MAP3K4: variants seen among roughly 807,000 people sequenced by gnomAD.
The protein encoded by MAP3K4 is mitogen-activated protein kinase kinase kinase 4.
A neutral mutation model predicts 185.6 loss-of-function variants in MAP3K4; 67 were observed. The ratio of observed to expected loss-of-function variants is 0.36; its 90% CI spans 0.30 to 0.44. MAP3K4 has a LOEUF of 0.44. Ranked by LOEUF, MAP3K4 falls within the 20% of genes least tolerant of loss-of-function variation. MAP3K4 has a pLI of 1.00. For synonymous variants in MAP3K4, 702 were observed against 710.4 expected (o/e 0.99, Z 0.19); for missense variants, 1,551 against 1,995.1 (o/e 0.78, Z 4.24).
chr6:161,045,805 C>T (rs1283296233), intron 2 of MAP3K4, among the ~76,000 whole-genome samples: 1 of 152,054 alleles, frequency 6.6e-6, no homozygotes, highest in Non-Finnish European at 1.5e-5. Flanking sequence ...TTTAAAAAGC[C>T]CAACGCCTGA....
Position 161,073,188 on chromosome 6 carries a change from AT to A in MAP3K4, c.1951-275del. ...TCTATATAAGTTTGTTGTTAAGAGA[AT>A]TTATTTTAGCAAAGCAGTAATTGCC... is the stretch of plus-strand genomic sequence containing the variant. On this transcript the variant is annotated intron_variant, in intron 4 of 26. Coordinates refer to ENST00000392142, the MANE Select transcript of MAP3K4 (RefSeq NM_005922.4). This position sits in a 1 kb window ranked among gnomAD's most constrained non-coding sequence, Gnocchi z 4.2. The A allele has an allele frequency of 3.8e-6, 1 of 260,510 alleles. No individual in the cohort carries two copies. 16.1% of individuals were successfully genotyped at this position (260,510 alleles called of 1,614,324 possible). A position where few individuals can be genotyped will look rare whatever the true frequency, so the allele number is the denominator to read the frequency against.
At chr6:161,072,354 A>G (rs553240242) in intron 4 of MAP3K4, among the ~76,000 whole-genome samples, 9 of 152,352 alleles carry the variant, frequency 5.9e-5, no homozygotes, top group African/African-American at 2.2e-4. Flanking sequence ...GATAACTGCT[A>G]TGACATTTTG....
intron 11 of MAP3K4, among the ~76,000 whole-genome samples, chr6:161,090,902 A>G (rs910840980): frequency 6.6e-6 from 1 of 152,260 alleles, no homozygotes; most frequent in African/African-American, 2.4e-5. Flanking sequence ...ACCATCAAAA[A>G]CTTCTCTGGA....
Position 161,080,805 on chromosome 6 carries a change from G to C in MAP3K4, c.2098-76G>C. ...CCCGCCCCCACTTTACCCTGCTGATGTGTAGCTTTCAGGTGAGAGCGCTGA... is the reference window on the plus strand; with the variant it reads ...CCCGCCCCCACTTTACCCTGCTGATCTGTAGCTTTCAGGTGAGAGCGCTGA... On this transcript the variant is annotated intron_variant, in intron 5 of 26. Transcript: ENST00000392142. This position sits in a 1 kb window ranked among gnomAD's most constrained non-coding sequence, Gnocchi z 4.8. The C allele has an allele frequency of 7.3e-7, 1 of 1,362,216 alleles. No individual in the cohort carries two copies. The highest frequency in any genetic ancestry group is 1.0e-6 in the Non-Finnish European group (1 of 972,746). The allele number at this position is 1,362,216 out of a possible 1,614,324, so 84.4% of individuals were successfully genotyped here.
At chr6:161,033,586 T>A (rs1783026928) in intron 1 of MAP3K4, among the ~76,000 whole-genome samples, 1 of 152,192 alleles carries the variant, frequency 6.6e-6, no homozygotes, top group African/African-American at 2.4e-5. Flanking sequence ...TCTTCCCAAT[T>A]TTTTATTGTG....
At chr6:161,066,213 A>G (rs553250289) in intron 3 of MAP3K4, among the ~76,000 whole-genome samples, 1 of 152,208 alleles carries the variant, frequency 6.6e-6, no homozygotes, top group South Asian at 2.1e-4. Context: ...TTTTTAGAGA[A>G]GGTAAGTGAA....
Position 161,034,572 on chromosome 6 carries a change from A to G in MAP3K4, c.343+123A>G, listed in dbSNP as rs1583143516. The G allele has an allele frequency of 1.8e-6, 1 of 557,014 alleles. No homozygotes were observed. The highest frequency in any genetic ancestry group is 3.7e-5 in the Admixed American group (1 of 26,942). 34.5% of individuals were successfully genotyped at this position (557,014 alleles called of 1,614,324 possible). ...GATTTTAATGCTCCTGTAAAGTTCA[A>G]TTTTTTTTTGAATTATTACCATTAG... On this transcript the variant is annotated intron_variant, in intron 2 of 26. Coordinates refer to ENST00000392142, the MANE Select transcript of MAP3K4 (RefSeq NM_005922.4). This position sits in a 1 kb window ranked among gnomAD's most constrained non-coding sequence, Gnocchi z 4.4.
chr6:161,061,304 C>T lies in MAP3K4; in HGVS notation c.1708-9304C>T, dbSNP rs1030526150. Among the ~76,000 whole-genome samples, 3 of 152,186 alleles carry T rather than the reference C, an allele frequency of 2.0e-5. No homozygotes were observed. The East Asian group carries it at 5.8e-4, about 29-fold the overall frequency. On this transcript the variant is annotated intron_variant, in intron 3 of 26. Coordinates refer to ENST00000392142, the MANE Select transcript of MAP3K4 (RefSeq NM_005922.4). This position sits in a 1 kb window ranked among gnomAD's most constrained non-coding sequence, Gnocchi z 4.2. ...AAAACAGTTCAAGTTTTGTTTTTGA[C>T]CATCCTTAGGTTATAACCCTCTGTG...
At position 161,093,622 on chromosome 6, in the gene MAP3K4, T is replaced by C; in HGVS notation, c.3349-151T>C. ...GTATTATTTTAAATTACATACAATT[T>C]GTGTTTATACCTATTTTCTTTTAAA... On this transcript the variant is annotated intron_variant, in intron 14 of 26. Transcript: ENST00000392142. This position sits in a 1 kb window ranked among gnomAD's most constrained non-coding sequence, Gnocchi z 5.2. 2 of 563,224 alleles carry C rather than the reference T, an allele frequency of 3.6e-6. No homozygotes were observed. Among genetic ancestry groups the C allele is most frequent in the Admixed American group, 6.9e-5 (2 of 28,916 alleles). The allele number at this position is 563,224 out of a possible 1,614,324, so 34.9% of individuals were successfully genotyped here.
At chr6:161,035,258 C>T (rs1374735531) in intron 2 of MAP3K4, among the ~76,000 whole-genome samples, 3 of 152,140 alleles carry the variant, frequency 2.0e-5, no homozygotes, top group East Asian at 1.9e-4. Context: ...GCATGAGATG[C>T]GGATTTTAGT....
In MAP3K4 at chr6:161,084,429, T is replaced by C. The variant is rs947974639; in HGVS notation, c.2256-72T>C. 2.6e-6 allele frequency: 2 copies of C among 764,328 alleles called. No homozygotes were observed. Among genetic ancestry groups the C allele is most frequent in the African/African-American group, 3.5e-5 (2 of 57,942 alleles). 47.3% of individuals were successfully genotyped at this position (764,328 alleles called of 1,614,324 possible). A position where few individuals can be genotyped will look rare whatever the true frequency, so the allele number is the denominator to read the frequency against. On this transcript the variant is annotated intron_variant, in intron 6 of 26. Coordinates refer to ENST00000392142, the MANE Select transcript of MAP3K4 (RefSeq NM_005922.4). The surrounding 1 kb of genome is among the most constrained non-coding windows in gnomAD (Gnocchi z 4.6). ...GAGCAGTAGCTGAGCCTTTCAAGTT[T>C]CTCAGTCAAGAATTAGGCTATGAGT...
chr6:161,093,141 G>A lies in MAP3K4; in HGVS notation c.3348+85G>A, dbSNP rs3736569. On this transcript the variant is annotated intron_variant, in intron 14 of 26. Coordinates refer to ENST00000392142, the MANE Select transcript of MAP3K4 (RefSeq NM_005922.4). The surrounding 1 kb of genome is among the most constrained non-coding windows in gnomAD (Gnocchi z 5.2). ...GGTTGTATATGTTTTATATGTAATA[G>A]TGGTTTTTTTCATGAGATATTAATC... 55,793 of 895,344 alleles carry A rather than the reference G, an allele frequency of 0.062. 2,905 individuals carry two copies. Among genetic ancestry groups the A allele is most frequent in the East Asian group, 0.26 (10,177 of 39,828 alleles). The allele number at this position is 895,344 out of a possible 1,614,324, so 55.5% of individuals were successfully genotyped here. A position where few individuals can be genotyped will look rare whatever the true frequency, so the allele number is the denominator to read the frequency against.
In MAP3K4 at chr6:161,087,735, T is replaced by C; in HGVS notation, c.2604T>C (p.Thr868=). 2.5e-6 allele frequency: 4 copies of C among 1,614,206 alleles called. No homozygotes were observed. The South Asian group carries it at 4.4e-5, about 18-fold the overall frequency. ...ACTTGCAAATGTTTGTTCCAGACAC[T>C]CTTGCTGAGGAGAAGAGTATTATTT... ...LENLQMFVPD[T]LAEEKSIILQ... The change falls in exon 10 of 27, where the codon ACT becomes ACC. Residue 868 remains threonine, a synonymous_variant. Transcript: ENST00000392142. The surrounding 1 kb of genome is among the most constrained non-coding windows in gnomAD (Gnocchi z 4.9).
At chr6:161,014,553 G>A (rs1781993349) in intron 1 of MAP3K4, among the ~76,000 whole-genome samples, 1 of 152,156 alleles carries the variant, frequency 6.6e-6, no homozygotes, top group South Asian at 2.1e-4. Context: ...AATAACAAGT[G>A]AGATAGTCCC....
chr6:161,065,638 G>A (rs1024928602), intron 3 of MAP3K4, among the ~76,000 whole-genome samples: 4 of 152,090 alleles, frequency 2.6e-5, no homozygotes, highest in African/African-American at 9.7e-5. Flanking sequence ...AGCTTTCTTC[G>A]GATTTTAGAA....
chr6:161,085,157 A>C (rs1231244590), intron 7 of MAP3K4, among the ~76,000 whole-genome samples: 1 of 152,176 alleles, frequency 6.6e-6, no homozygotes, highest in African/African-American at 2.4e-5. Context: ...AAAAAAAAAA[A>C]AACTAAAGAT....
chr6:161,052,626 A>G (rs1784054788), intron 3 of MAP3K4, among the ~76,000 whole-genome samples: 1 of 152,216 alleles, frequency 6.6e-6, no homozygotes, highest in Non-Finnish European at 1.5e-5. Flanking sequence ...ATTAATCCAA[A>G]CTAACAAAAG....
intron 1 of MAP3K4, among the ~76,000 whole-genome samples, chr6:160,997,805 T>A (rs1781076499): frequency 6.6e-6 from 1 of 152,176 alleles, no homozygotes; most frequent in African/African-American, 2.4e-5. Context: ...GCCATAGGCA[T>A]GACACTTGAC....
Position 161,043,937 on chromosome 6 carries a change from G to T in MAP3K4, c.344-4679G>T, listed in dbSNP as rs3798910. On this transcript the variant is annotated intron_variant, in intron 2 of 26. Coordinates refer to ENST00000392142, the MANE Select transcript of MAP3K4 (RefSeq NM_005922.4). The surrounding 1 kb of genome is among the most constrained non-coding windows in gnomAD (Gnocchi z 4.3). ...GAGAACATAAAAATTGCAAGAGTTT[G>T]ATTAAAAATACAATTAATACATATT... Among the ~76,000 whole-genome samples, 9,364 of 152,224 alleles carry T rather than the reference G, an allele frequency of 0.062. 503 individuals are homozygous for T. The highest frequency in any genetic ancestry group is 0.31 in the East Asian group (1,605 of 5,172).
Sources: allele counts gnomAD v4.1 joint callset (sites outside exome capture counted in the v4.1 genomes callset), GRCh38; gene constraint gnomAD v4.1.1; non-coding constraint Gnocchi (gnomAD v3.1); transcripts MANE v1.5; gene names NCBI Gene and HGNC (gene_info 2026-07-23, HGNC 2026-07-21).